LRRC4C: variants seen among roughly 807,000 people sequenced by gnomAD.
LRRC4C encodes the protein leucine-rich repeat-containing protein 4C.
In LRRC4C, 5 loss-of-function variants were observed where a neutral mutation model predicts 33.6. That is an observed-to-expected ratio of 0.15 (90% CI 0.08 to 0.31). The LOEUF (loss-of-function observed/expected upper bound fraction) is 0.31, where lower values mean the gene tolerates loss of function less well. Among genes scored for constraint, LRRC4C ranks in the 10% least tolerant of loss-of-function variants. LRRC4C has a pLI of 1.00. For missense variants in LRRC4C, 560 were observed against 796.7 expected, an observed-to-expected ratio of 0.70 and a Z score of 3.58; for synonymous variants, 329 against 302.0, an observed-to-expected ratio of 1.09 and a Z score of -0.93.
chr11:41,280,688 C>A (rs1372351176), intron 1 of LRRC4C, among the ~76,000 whole-genome samples: 1 of 152,182 alleles, frequency 6.6e-6, no homozygotes, highest in African/African-American at 2.4e-5. Flanking sequence ...TTATTGTTCT[C>A]TCCATGTCCT....
chr11:41,101,382 C>T (rs76223742), intron 1 of LRRC4C, among the ~76,000 whole-genome samples: 1 of 151,970 alleles, frequency 6.6e-6, no homozygotes, highest in Non-Finnish European at 1.5e-5. Context: ...ATGTGGGCAA[C>T]AAGCGTATGA....
intron 2 of LRRC4C, among the ~76,000 whole-genome samples, chr11:40,924,856 G>T (rs974083907): frequency 2.0e-5 from 3 of 151,982 alleles, no homozygotes; most frequent in African/African-American, 7.2e-5. Flanking sequence ...ATGAAGAGAG[G>T]GACCTCCTCC....
chr11:40,467,097 A>G (rs1416356388), intron 3 of LRRC4C, among the ~76,000 whole-genome samples: 1 of 152,126 alleles, frequency 6.6e-6, no homozygotes, highest in African/African-American at 2.4e-5. Flanking sequence ...CGGATTGCCA[A>G]ATTCCTAGGA....
At chr11:41,045,129 T>C (rs1224063952) in intron 1 of LRRC4C, among the ~76,000 whole-genome samples, 1 of 152,138 alleles carries the variant, frequency 6.6e-6, no homozygotes, top group Admixed American at 6.6e-5. Flanking sequence ...TACGTTGATG[T>C]CATTTAATCT....
intron 1 of LRRC4C, among the ~76,000 whole-genome samples, chr11:41,354,487 C>G (rs898115767): frequency 5.3e-5 from 8 of 152,016 alleles, no homozygotes; most frequent in Non-Finnish European, 8.8e-5. Context: ...TATAAAATTA[C>G]AAATTTCATT....
chr11:41,211,866 A>G (rs1006042617), intron 1 of LRRC4C, among the ~76,000 whole-genome samples: 1 of 152,180 alleles, frequency 6.6e-6, no homozygotes, highest in African/African-American at 2.4e-5. Flanking sequence ...TGGCTGGGTC[A>G]AATGGTATTT....
intron 1 of LRRC4C, among the ~76,000 whole-genome samples, chr11:41,229,427 T>G (rs1415116263): frequency 6.6e-6 from 1 of 152,118 alleles, no homozygotes; most frequent in East Asian, 1.9e-4. Flanking sequence ...CCAAGCCGAC[T>G]AATACAGGAG....
chr11:41,053,315 A>G (rs1385950432), intron 1 of LRRC4C, among the ~76,000 whole-genome samples: 1 of 152,202 alleles, frequency 6.6e-6, no homozygotes, highest in Non-Finnish European at 1.5e-5. Context: ...CATGCTGGAG[A>G]GGCCCATGTG....
At chr11:40,731,310 C>A (rs1034563022) in intron 2 of LRRC4C, among the ~76,000 whole-genome samples, 1 of 146,948 alleles carries the variant, frequency 6.8e-6, no homozygotes, top group Non-Finnish European at 1.5e-5. Context: ...CAGAGCCAGA[C>A]TCCGTCTCAA....
At chr11:41,067,655 T>A (rs1419050774) in intron 1 of LRRC4C, among the ~76,000 whole-genome samples, 1 of 152,176 alleles carries the variant, frequency 6.6e-6, no homozygotes, top group Non-Finnish European at 1.5e-5. Context: ...ACTGACCACA[T>A]AATTGGAAGT....
chr11:40,114,430 C>T lies in LRRC4C; in HGVS notation c.1863G>A (p.Val621=), dbSNP rs771871840. 2 of 1,613,976 alleles carry T rather than the reference C, an allele frequency of 1.2e-6. No homozygotes were observed. Among genetic ancestry groups the T allele is most frequent in the South Asian group, 1.1e-5 (1 of 91,070 alleles). The change falls in exon 7 of 7, where the codon GTG becomes GTA. Residue 621 remains valine, a synonymous_variant. Coordinates refer to ENST00000528697, the MANE Select transcript of LRRC4C (RefSeq NM_001258419.2). ...VNTINSIHSS[V]HEPLLIRMNS... is the part of the protein sequence containing the mutation. ...TCATTCGGATCAATAACGGTTCATG[C>T]ACTGAACTGTGTATTGAATTTATTG...
rs2136129292 is a variant in LRRC4C, at chr11:40,648,218, A to C, written c.-346T>G. 1 of 152,320 alleles carries C rather than the reference A, an allele frequency of 6.6e-6. No individual in the cohort carries two copies. The highest frequency in any genetic ancestry group is 2.4e-5 in the African/African-American group (1 of 41,582). 9.4% of individuals were successfully genotyped at this position (152,320 alleles called of 1,614,324 possible). On this transcript the variant is annotated 5_prime_UTR_variant, in exon 3 of 7. Transcript: ENST00000528697. ...ACTTAATTTATGGCGATTCCAAAGT[A>C]GTCTCAGGATGTTTCCATATTGTTA... is the stretch of plus-strand genomic sequence containing the variant.
intron 1 of LRRC4C, among the ~76,000 whole-genome samples, chr11:41,016,908 T>A (rs1322642723): frequency 6.6e-6 from 1 of 152,210 alleles, no homozygotes; most frequent in Non-Finnish European, 1.5e-5. Context: ...CAATAAATTG[T>A]GGCCATTTTT....
At chr11:40,156,749 C>A (rs916916478) in intron 5 of LRRC4C, among the ~76,000 whole-genome samples, 3 of 151,944 alleles carry the variant, frequency 2.0e-5, no homozygotes, top group Non-Finnish European at 4.4e-5. Flanking sequence ...CAAAACACTG[C>A]TGAAAAAAAT....
intron 1 of LRRC4C, among the ~76,000 whole-genome samples, chr11:40,964,962 A>G (rs369854631): frequency 2.6e-5 from 4 of 151,998 alleles, no homozygotes; most frequent in African/African-American, 7.2e-5. Flanking sequence ...TTCCACAATG[A>G]TTGAACTAGT....
At chr11:40,944,390 AT>A (rs930726176) in intron 1 of LRRC4C, among the ~76,000 whole-genome samples, 6 of 152,152 alleles carry the variant, frequency 3.9e-5, no homozygotes, top group Non-Finnish European at 8.8e-5. Flanking sequence ...AACACAGAAA[AT>A]TATAAATCTG....
chr11:41,204,036 G>C (rs1014137931), intron 1 of LRRC4C, among the ~76,000 whole-genome samples: 4 of 151,700 alleles, frequency 2.6e-5, no homozygotes, highest in African/African-American at 9.7e-5. Context: ...TTTTTCTCCA[G>C]ATTATAGATG....
intron 2 of LRRC4C, among the ~76,000 whole-genome samples, chr11:40,908,220 C>A (rs892627081): frequency 6.6e-6 from 1 of 152,036 alleles, no homozygotes; most frequent in Non-Finnish European, 1.5e-5. Context: ...AGTTTCACTT[C>A]TATTTAAATT....
intron 3 of LRRC4C, among the ~76,000 whole-genome samples, chr11:40,556,534 T>C (rs1190335789): frequency 6.6e-6 from 1 of 152,178 alleles, no homozygotes; most frequent in Non-Finnish European, 1.5e-5. Context: ...CTTCTACATA[T>C]CTCAATAGGC....
Sources: allele counts gnomAD v4.1 joint callset (sites outside exome capture counted in the v4.1 genomes callset), GRCh38; gene constraint gnomAD v4.1.1; transcripts MANE v1.5; gene names NCBI Gene and HGNC (gene_info 2026-07-23, HGNC 2026-07-21).